ENTREP2: variants seen among roughly 807,000 people sequenced by gnomAD.
ENTREP2 encodes protein ENTREP2.
the ENTREP2 span, chr15:29,266,963 G>A: frequency 6.6e-6 from 1 of 152,218 alleles, no homozygotes; most frequent in Non-Finnish European, 1.5e-5. Flanking sequence ...GTGAGAATGC[G>A]AGTATCAGAG....
At chr15:29,442,420 T>TA in the ENTREP2 span, among the ~76,000 whole-genome samples, 1 of 152,124 alleles carries the variant, frequency 6.6e-6, no homozygotes, top group African/African-American at 2.4e-5. Context: ...CTAAGGAGTG[T>TA]AAAAAGGGAA....
the ENTREP2 span, among the ~76,000 whole-genome samples, chr15:29,409,093 A>C: frequency 5.2e-3 from 796 of 152,220 alleles, 9 homozygotes; most frequent in Non-Finnish European, 7.4e-3. Context: ...CTAGCTTCCA[A>C]TGCTTAGGAA....
chr15:29,551,688 C>A, the ENTREP2 span, among the ~76,000 whole-genome samples: 1 of 128,166 alleles, frequency 7.8e-6, no homozygotes, highest in African/African-American at 2.7e-5. Context: ...TATCAAATGC[C>A]TATTTAAAAA....
At chr15:29,226,360 T>C in the ENTREP2 span, among the ~76,000 whole-genome samples, 19 of 152,220 alleles carry the variant, frequency 1.2e-4, no homozygotes, top group African/African-American at 4.6e-4. Flanking sequence ...TTATCTATAA[T>C]AATAGCAAAT....
At chr15:29,234,528 G>A in the ENTREP2 span, 1 of 1,364,492 alleles carries the variant, frequency 7.3e-7, no homozygotes, top group Non-Finnish European at 1.0e-6. Flanking sequence ...AGGTAATATG[G>A]TATTGGTGGG....
At chr15:29,136,268 G>A in the ENTREP2 span, 643 of 1,313,144 alleles carry the variant, frequency 4.9e-4, 2 homozygotes, top group African/African-American at 2.4e-3. Flanking sequence ...CAGCCAGCTC[G>A]GACCTGGCGC....
chr15:29,668,260 G>T, the ENTREP2 span, among the ~76,000 whole-genome samples: 2 of 152,142 alleles, frequency 1.3e-5, no homozygotes, highest in East Asian at 1.9e-4. Context: ...TTGCCAGTCC[G>T]GGGAAACGCA....
At chr15:29,294,156 G>A in the ENTREP2 span, among the ~76,000 whole-genome samples, 1 of 152,176 alleles carries the variant, frequency 6.6e-6, no homozygotes, top group Non-Finnish European at 1.5e-5. Context: ...GGCAGCCAGA[G>A]CCCCAGCCCC....
chr15:29,417,468 G>T, the ENTREP2 span, among the ~76,000 whole-genome samples: 1 of 152,136 alleles, frequency 6.6e-6, no homozygotes, highest in Non-Finnish European at 1.5e-5. Flanking sequence ...ACAGTAAGGG[G>T]AACATCACAC....
the ENTREP2 span, among the ~76,000 whole-genome samples, chr15:29,258,386 C>G: frequency 6.6e-6 from 1 of 151,952 alleles, no homozygotes; most frequent in African/African-American, 2.4e-5. Flanking sequence ...GAAAGCAAAC[C>G]TACACAGAAG....
the ENTREP2 span, chr15:29,128,916 A>G: frequency 7.6e-7 from 1 of 1,312,242 alleles, no homozygotes; most frequent in Non-Finnish European, 1.1e-6. Flanking sequence ...GGAACGCAGC[A>G]CAGCAGCCTC....
chr15:29,504,034 T>C, the ENTREP2 span, among the ~76,000 whole-genome samples: 1 of 152,210 alleles, frequency 6.6e-6, no homozygotes, highest in South Asian at 2.1e-4. Flanking sequence ...CTAATAATAC[T>C]TGGTATTGGA....
At chr15:29,653,752 G>A in the ENTREP2 span, among the ~76,000 whole-genome samples, 5 of 152,174 alleles carry the variant, frequency 3.3e-5, no homozygotes, top group Non-Finnish European at 5.9e-5. Flanking sequence ...CTTTACAGCA[G>A]TGTGAAAATG....
At chr15:29,391,981 T>C in the ENTREP2 span, among the ~76,000 whole-genome samples, 3,401 of 152,212 alleles carry the variant, frequency 0.022, 121 homozygotes, top group African/African-American at 0.077. Flanking sequence ...CCTGCCACCA[T>C]GCCTGGCTAA....
chr15:29,476,938 GGCGC>G, the ENTREP2 span, among the ~76,000 whole-genome samples: 2 of 152,138 alleles, frequency 1.3e-5, no homozygotes, highest in Admixed American at 6.5e-5. Flanking sequence ...CATCCAAACA[GGCGC>G]GTATGCTCAC....
chr15:29,290,874 C>T, the ENTREP2 span, among the ~76,000 whole-genome samples: 3 of 152,158 alleles, frequency 2.0e-5, no homozygotes, highest in Non-Finnish European at 4.4e-5. Context: ...CTGAGGAGGC[C>T]GATGGAGATG....
the ENTREP2 span, among the ~76,000 whole-genome samples, chr15:29,568,710 CAAAAAAAAAAAAA>C: frequency 1.1e-3 from 142 of 128,216 alleles, 1 homozygote; most frequent in East Asian, 6.4e-3. Context: ...CCTCTTAAGG[CAAAAAAAAAAAAA>C]AAAAAAAAAA....
At chr15:29,382,729 C>T in the ENTREP2 span, among the ~76,000 whole-genome samples, 12 of 152,244 alleles carry the variant, frequency 7.9e-5, no homozygotes, top group African/African-American at 2.2e-4. Flanking sequence ...GTCTCCTAGG[C>T]GGCCTCCTGA....
the ENTREP2 span, among the ~76,000 whole-genome samples, chr15:29,314,947 G>C: frequency 6.6e-6 from 1 of 152,302 alleles, no homozygotes; most frequent in African/African-American, 2.4e-5. Flanking sequence ...AGCTACTTGG[G>C]AGGCTGAGGC....
Sources: gnomAD v4.1 joint callset for allele counts (sites outside exome capture counted in the v4.1 genomes callset) on GRCh38, gnomAD v4.1.1 for gene constraint, MANE v1.5 for transcripts, NCBI Gene and HGNC (gene_info 2026-07-23, HGNC 2026-07-21) for gene names.